The following ZC3H3 variants were observed in gnomAD, a reference collection of about 807,000 sequenced individuals.
ZC3H3 encodes zinc finger CCCH domain-containing protein 3.
Under a neutral mutation model 77.3 loss-of-function variants are expected in ZC3H3, and 36 were observed. The observed-to-expected ratio is 0.47, with a 90% confidence interval of 0.36 to 0.61. ZC3H3 has a LOEUF of 0.61. ZC3H3 is among the 20% of genes least tolerant of loss of function. ZC3H3 has a pLI of 0.00. For synonymous variants in ZC3H3, 626 were observed against 555.2 expected (o/e 1.13, Z -1.79); for missense variants, 1,331 against 1,312.2 (o/e 1.01, Z -0.22).
chr8:143,492,624 G>A (rs1032168133), intron 4 of ZC3H3, among the ~76,000 whole-genome samples: 4 of 152,216 alleles, frequency 2.6e-5, no homozygotes, highest in Non-Finnish European at 4.4e-5. Flanking sequence ...CCACACCTGC[G>A]TGGGCACCTG....
At chr8:143,521,002 C>T (rs1822223529) in intron 3 of ZC3H3, among the ~76,000 whole-genome samples, 1 of 152,336 alleles carries the variant, frequency 6.6e-6, no homozygotes, top group South Asian at 2.1e-4. Flanking sequence ...CTCACAGCCA[C>T]ACAGGTAGAC....
intron 4 of ZC3H3, among the ~76,000 whole-genome samples, chr8:143,477,590 G>A (rs188939999): frequency 7.9e-5 from 12 of 152,318 alleles, no homozygotes; most frequent in Non-Finnish European, 1.5e-4. Flanking sequence ...CACCAGGCCT[G>A]GAGGGAGGCA....
intron 3 of ZC3H3, among the ~76,000 whole-genome samples, chr8:143,525,738 G>C (rs1822391780): frequency 6.6e-6 from 1 of 152,260 alleles, no homozygotes; most frequent in African/African-American, 2.4e-5. Context: ...CAGCTGGGAT[G>C]CCGCCACTCA....
chr8:143,513,862 C>T (rs1661715734), intron 3 of ZC3H3, among the ~76,000 whole-genome samples: 1 of 152,200 alleles, frequency 6.6e-6, no homozygotes, highest in Admixed American at 6.5e-5. Flanking sequence ...TTTGCTGAGG[C>T]TGGTGGGGGT....
intron 4 of ZC3H3, among the ~76,000 whole-genome samples, chr8:143,482,594 A>G (rs1243847168): frequency 6.6e-6 from 1 of 152,120 alleles, no homozygotes; most frequent in East Asian, 1.9e-4. Flanking sequence ...GAGTGGGCTC[A>G]GGCAGCAAGG....
intron 4 of ZC3H3, among the ~76,000 whole-genome samples, chr8:143,491,898 T>C (rs1586919897): frequency 6.6e-6 from 1 of 152,158 alleles, no homozygotes; most frequent in East Asian, 1.9e-4. Context: ...CTACTCCTTT[T>C]GGCCTCCCTC....
In ZC3H3 at chr8:143,523,386, G is replaced by A. The variant is rs116963805; in HGVS notation, c.1561+12871C>T. 5.1e-3 allele frequency: 4,987 copies of A among 985,474 alleles called. 19 individuals carry two copies. Among genetic ancestry groups the A allele is most frequent in the Middle Eastern group, 9.9e-3 (19 of 1,914 alleles). The allele number at this position is 985,474 out of a possible 1,614,324, so 61.0% of individuals were successfully genotyped here. ...GCAGGCAGCTTCAGAATGCTGCCGC[G>A]ACGCCCCTGCAGTTCATGTTTTCCC... On this transcript the variant is annotated intron_variant, in intron 3 of 11. Transcript: ENST00000262577.
At chr8:143,466,419 T>C (rs1210170665) in intron 8 of ZC3H3, among the ~76,000 whole-genome samples, 1 of 152,192 alleles carries the variant, frequency 6.6e-6, no homozygotes, top group Admixed American at 6.5e-5. Flanking sequence ...GCCAAGGCTG[T>C]CAGCAGGAAG....
At chr8:143,522,113 C>T (rs1028423702) in intron 3 of ZC3H3, among the ~76,000 whole-genome samples, 1 of 152,214 alleles carries the variant, frequency 6.6e-6, no homozygotes, top group Non-Finnish European at 1.5e-5. Context: ...CCTCTGTCGG[C>T]CTTCCCTAGG....
chr8:143,505,968 G>A (rs930053648), intron 4 of ZC3H3, among the ~76,000 whole-genome samples: 2 of 152,242 alleles, frequency 1.3e-5, no homozygotes, highest in African/African-American at 2.4e-5. Flanking sequence ...GAAGGACAGG[G>A]AACTTGGAGG....
intron 4 of ZC3H3, among the ~76,000 whole-genome samples, chr8:143,502,239 G>GAA (rs1458056639): frequency 5.3e-5 from 8 of 152,262 alleles, no homozygotes; most frequent in African/African-American, 1.9e-4. Context: ...TGTGTGACAC[G>GAA]GCCCCAGCCG....
chr8:143,528,994 C>T (rs755155073), intron 3 of ZC3H3, among the ~76,000 whole-genome samples: 5 of 152,216 alleles, frequency 3.3e-5, no homozygotes. Context: ...GGAAGGAATG[C>T]CCATGGTGGC....
intron 5 of ZC3H3, among the ~76,000 whole-genome samples, chr8:143,470,412 G>A (rs933445055): frequency 8.5e-5 from 13 of 152,230 alleles, no homozygotes; most frequent in Non-Finnish European, 1.3e-4. Flanking sequence ...GTCTTGGTGC[G>A]GAGGGACCAA....
intron 4 of ZC3H3, among the ~76,000 whole-genome samples, chr8:143,501,306 T>C (rs1821518223): frequency 6.6e-6 from 1 of 152,134 alleles, no homozygotes; most frequent in African/African-American, 2.4e-5. Flanking sequence ...GTTCAAGTGA[T>C]CCTCCTGCCT....
chr8:143,507,813 G>T lies in ZC3H3; in HGVS notation c.1648C>A (p.Pro550Thr). The T allele has an allele frequency of 1.2e-6, 2 of 1,607,866 alleles. No homozygotes were observed. Among genetic ancestry groups the T allele is most frequent in the Non-Finnish European group, 8.5e-7 (1 of 1,178,392 alleles). The part of the protein sequence containing the change: ...YRIVKKTPAS[P>T]LSAPPFPLSL... The stretch of plus-strand genomic sequence containing the variant: ...AGGGGGAAGGGCGGGGCGCTGAGAG[G>T]CGAGGCCGGCGTCTTCTTGACAATG... The change falls in exon 4 of 12, where the codon CCT becomes ACT. Residue 550 changes from proline to threonine, a missense_variant. Coordinates refer to ENST00000262577, the MANE Select transcript of ZC3H3 (RefSeq NM_015117.3).
intron 9 of ZC3H3, among the ~76,000 whole-genome samples, chr8:143,446,774 T>C (rs1336679582): frequency 6.6e-6 from 1 of 152,266 alleles, no homozygotes. Context: ...GCTAAGCCAA[T>C]GTCCACACTG....
At chr8:143,464,651 G>A (rs768020284) in intron 9 of ZC3H3, among the ~76,000 whole-genome samples, 7 of 152,240 alleles carry the variant, frequency 4.6e-5, no homozygotes, top group African/African-American at 7.2e-5. Context: ...CGGGTGGGCT[G>A]AGAAAGGGTT....
At chr8:143,503,198 G>A (rs1260814037) in intron 4 of ZC3H3, among the ~76,000 whole-genome samples, 3 of 152,178 alleles carry the variant, frequency 2.0e-5, no homozygotes, top group African/African-American at 7.2e-5. Flanking sequence ...CCAGGGCAAC[G>A]CGGCCTCTGA....
At position 143,472,868 on chromosome 8, in the gene ZC3H3, A is replaced by G. The variant is rs994149651; in HGVS notation, c.1903+2530T>C. Among the ~76,000 whole-genome samples, 6 of 152,268 alleles carry G rather than the reference A, an allele frequency of 3.9e-5. 1 individual carries two copies. The highest frequency in any genetic ancestry group is 9.6e-5 in the African/African-American group (4 of 41,564). On this transcript the variant is annotated intron_variant, in intron 5 of 11. Transcript: ENST00000262577. The stretch of plus-strand genomic sequence containing the variant: ...GGCGGGGCCAGCCTTGGCCCTGTGC[A>G]GGGAGTGGGATGCAGCTGCTGCAGT...
Sources: gnomAD v4.1 joint callset for allele counts (sites outside exome capture counted in the v4.1 genomes callset) on GRCh38, gnomAD v4.1.1 for gene constraint, MANE v1.5 for transcripts, NCBI Gene and HGNC (gene_info 2026-07-23, HGNC 2026-07-21) for gene names.